The following FAM163A variants were observed in gnomAD, a reference collection of about 807,000 sequenced individuals.
FAM163A encodes the protein protein FAM163A.
A neutral mutation model predicts 12.0 loss-of-function variants in FAM163A; 7 were observed. That is an observed-to-expected ratio of 0.58 (90% CI 0.33 to 1.10). The LOEUF is 1.10. Ranked by LOEUF, FAM163A falls within the 50% of genes least tolerant of loss-of-function variation. FAM163A has a pLI of 0.03. For synonymous variants in FAM163A, 101 were observed against 91.0 expected (o/e 1.11, Z -0.62); for missense variants, 202 against 218.6 (o/e 0.92, Z 0.48).
chr1:179,806,460 C>A (rs1308624012), intron 1 of FAM163A, among the ~76,000 whole-genome samples: 1 of 152,224 alleles, frequency 6.6e-6, no homozygotes, highest in Non-Finnish European at 1.5e-5. Flanking sequence ...TTCTGTCACG[C>A]AGTCACTCTG....
intron 1 of FAM163A, among the ~76,000 whole-genome samples, chr1:179,786,575 G>A (rs1486616130): frequency 6.6e-6 from 1 of 152,220 alleles, no homozygotes; most frequent in Non-Finnish European, 1.5e-5. Flanking sequence ...CGTGTGTGTA[G>A]CACTTAGCCA....
At chr1:179,805,255 C>T (rs1369664428) in intron 1 of FAM163A, among the ~76,000 whole-genome samples, 2 of 152,142 alleles carry the variant, frequency 1.3e-5, no homozygotes, top group East Asian at 1.9e-4. Flanking sequence ...TGCTGGCTCA[C>T]GCCTGTAATC....
chr1:179,748,192 T>C (rs1684772542), intron 1 of FAM163A, among the ~76,000 whole-genome samples: 1 of 152,158 alleles, frequency 6.6e-6, no homozygotes, highest in Non-Finnish European at 1.5e-5. Context: ...CTCCTCCCTC[T>C]CATTAGCCAG....
the FAM163A span, among the ~76,000 whole-genome samples, chr1:179,737,989 C>T: frequency 1.3e-5 from 2 of 152,090 alleles, no homozygotes; most frequent in African/African-American, 4.8e-5. Context: ...CATGGATGAG[C>T]TTGGAGGACA....
At chr1:179,781,664 G>A (rs1459149867) in intron 1 of FAM163A, among the ~76,000 whole-genome samples, 2 of 152,122 alleles carry the variant, frequency 1.3e-5, no homozygotes, top group African/African-American at 2.4e-5. Context: ...GGCCAGGCGC[G>A]GTGGCTCATG....
At chr1:179,813,239 C>T (rs1156880193) in intron 4 of FAM163A, 49 bp downstream of exon 4, 1 of 1,519,190 alleles carries the variant, frequency 6.6e-7, no homozygotes, top group African/African-American at 1.4e-5. Flanking sequence ...ACCAGCAAAC[C>T]TCTTTTTCAT....
intron 1 of FAM163A, among the ~76,000 whole-genome samples, chr1:179,756,384 G>A (rs1218583019): frequency 6.6e-6 from 1 of 150,556 alleles, no homozygotes; most frequent in African/African-American, 2.5e-5. Context: ...AGGACCTGGA[G>A]ATTGATTGGA....
intron 1 of FAM163A, among the ~76,000 whole-genome samples, chr1:179,796,377 G>T (rs937569682): frequency 6.6e-6 from 1 of 152,146 alleles, no homozygotes; most frequent in Non-Finnish European, 1.5e-5. Context: ...CATTTAAAGA[G>T]ACTCAAATCT....
At chr1:179,771,542 T>C (rs1688290830) in intron 1 of FAM163A, among the ~76,000 whole-genome samples, 1 of 152,104 alleles carries the variant, frequency 6.6e-6, no homozygotes, top group South Asian at 2.1e-4. Context: ...CCCCATTTTT[T>C]CTTGTATCTT....
rs116733575 is a variant in FAM163A at position 179,803,127 on chromosome 1, G to A, written c.-135-4671G>A. Among the ~76,000 whole-genome samples, 521 of 152,166 alleles carry A rather than the reference G, an allele frequency of 3.4e-3. 4 individuals carry two copies. Among genetic ancestry groups the A allele is most frequent in the Non-Finnish European group, 4.9e-3 (336 of 68,002 alleles). On this transcript the variant is annotated intron_variant, in intron 1 of 4. Transcript: ENST00000341785. ...CTTCCAGCCTTGCCTGAGGATTGCC[G>A]TCCAGGAAGACAGGTAACAGGGAAA...
intron 1 of FAM163A, among the ~76,000 whole-genome samples, chr1:179,790,383 G>T (rs1691282737): frequency 6.6e-6 from 1 of 152,078 alleles, no homozygotes; most frequent in African/African-American, 2.4e-5. Context: ...GAGGCCCAAA[G>T]TGATGAGGTG....
At chr1:179,778,725 C>T (rs1689319140) in intron 1 of FAM163A, among the ~76,000 whole-genome samples, 1 of 151,916 alleles carries the variant, frequency 6.6e-6, no homozygotes, top group Non-Finnish European at 1.5e-5. Context: ...GCTGCAAACT[C>T]AAAGGCCTGC....
At chr1:179,742,742 C>G (rs1265093399), upstream of FAM163A, 2 of 152,412 alleles carry the variant, frequency 1.3e-5, no homozygotes, top group African/African-American at 4.8e-5. Flanking sequence ...GGCATTGCTT[C>G]TCTCCCTTCC....
intron 1 of FAM163A, among the ~76,000 whole-genome samples, chr1:179,765,092 A>T (rs1023382182): frequency 6.6e-6 from 1 of 151,938 alleles, no homozygotes; most frequent in African/African-American, 2.4e-5. Flanking sequence ...CGTTGTAGCA[A>T]CCCCCTTCCT....
At chr1:179,783,487 G>A (rs576612590) in intron 1 of FAM163A, among the ~76,000 whole-genome samples, 51 of 151,982 alleles carry the variant, frequency 3.4e-4, no homozygotes, top group African/African-American at 1.2e-3. Flanking sequence ...TAAAATAGCT[G>A]ATCAACACCT....
intron 1 of FAM163A, among the ~76,000 whole-genome samples, chr1:179,768,042 T>TC (rs1687745704): frequency 6.7e-6 from 1 of 149,442 alleles, no homozygotes; most frequent in Non-Finnish European, 1.5e-5. Context: ...CATTTTCTAC[T>TC]TTGTTTGTAT....
chr1:179,750,010 AG>A (rs1222480403), intron 1 of FAM163A, among the ~76,000 whole-genome samples: 1 of 152,224 alleles, frequency 6.6e-6, no homozygotes, highest in African/African-American at 2.4e-5. Context: ...AAAGACTACC[AG>A]GATTCTGTTT....
At chr1:179,754,563 A>G (rs1014758761) in intron 1 of FAM163A, among the ~76,000 whole-genome samples, 8 of 152,104 alleles carry the variant, frequency 5.3e-5, no homozygotes, top group Non-Finnish European at 7.4e-5. Flanking sequence ...GAGCTGGATG[A>G]AAGACGTAAA....
At chr1:179,792,344 A>T (rs1691640546) in intron 1 of FAM163A, among the ~76,000 whole-genome samples, 1 of 146,802 alleles carries the variant, frequency 6.8e-6, no homozygotes. Context: ...GGGTCTCTTT[A>T]TGTTGACCAG....
Sources: allele counts gnomAD v4.1 joint callset (sites outside exome capture counted in the v4.1 genomes callset), GRCh38; gene constraint gnomAD v4.1.1; transcripts MANE v1.5; gene names NCBI Gene and HGNC (gene_info 2026-07-23, HGNC 2026-07-21).